TXLNB: variants seen among roughly 807,000 people sequenced by gnomAD.
The protein encoded by TXLNB is taxilin beta, also known as beta-taxilin.
A neutral mutation model predicts 57.4 loss-of-function variants in TXLNB; 37 were observed. The ratio of observed to expected loss-of-function variants is 0.64; its 90% CI spans 0.50 to 0.85. The LOEUF is 0.85. Ranked by LOEUF, TXLNB falls within the 40% of genes least tolerant of loss-of-function variation. TXLNB has a pLI of 0.00. For missense variants in TXLNB, 848 were observed against 825.6 expected (o/e 1.03, Z -0.33); for synonymous variants, 302 against 309.6 (o/e 0.98, Z 0.26).
intron 7 of TXLNB, 157 bp downstream of exon 7, chr6:139,255,407 G>C (rs41289819): frequency 2.9e-6 from 2 of 698,394 alleles, no homozygotes; most frequent in African/African-American, 3.6e-5. Context: ...ATTTTTACTT[G>C]AAAATATGAA....
intron 1 of TXLNB, among the ~76,000 whole-genome samples, chr6:139,289,703 C>A (rs548202885): frequency 6.6e-6 from 1 of 152,280 alleles, no homozygotes; most frequent in African/African-American, 2.4e-5. Flanking sequence ...TTACACTAGT[C>A]AGTTTGTGTT....
the TXLNB span, chr6:139,179,028 G>A: frequency 2.6e-5 from 4 of 152,158 alleles, no homozygotes; most frequent in African/African-American, 9.7e-5. Flanking sequence ...AAACATTTCA[G>A]TGGGAAGAAA....
At position 139,260,297 on chromosome 6, in the gene TXLNB, A is replaced by G. The variant is rs374818316; in HGVS notation, c.1002+21T>C. ...ACACTGAGGTAGACCAGATATGCAC[A>G]ACGACTAAAATGATAAATACATATT... is the stretch of plus-strand genomic sequence containing the variant. On this transcript the variant is annotated intron_variant, in intron 6 of 9. Transcript: ENST00000358430. 3 of 1,613,380 alleles carry G rather than the reference A, an allele frequency of 1.9e-6. No homozygotes were observed. The African/African-American group carries it at 4.0e-5, about 22-fold the overall frequency.
At chr6:139,194,567 C>T in the TXLNB span, among the ~76,000 whole-genome samples, 1 of 152,086 alleles carries the variant, frequency 6.6e-6, no homozygotes, top group Admixed American at 6.5e-5. Context: ...ATTCAGTCAC[C>T]AAAATATGTT....
At chr6:139,216,437 G>A in the TXLNB span, among the ~76,000 whole-genome samples, 3 of 134,234 alleles carry the variant, frequency 2.2e-5, no homozygotes, top group Admixed American at 8.7e-5. Context: ...AGAACACATG[G>A]ACACAGGAAG....
At chr6:139,259,108 C>T (rs924040619) in intron 6 of TXLNB, among the ~76,000 whole-genome samples, 1 of 152,196 alleles carries the variant, frequency 6.6e-6, no homozygotes, top group Admixed American at 6.5e-5. Context: ...CTCCACCCCT[C>T]TTCTCTGCTG....
At position 139,262,608 on chromosome 6, in the gene TXLNB, T is replaced by C; in HGVS notation, c.853A>G (p.Ile285Val). The change falls in exon 5 of 10, where the codon ATC becomes GTC. Residue 285 changes from isoleucine to valine, a missense_variant. Transcript: ENST00000358430. ...TCTCTGAGCTCATACTGATCGATGA[T>C]GCTTTTCAGCTTTTCTGCAAGCTCT... ...NTELAEKLKS[I>V]IDQYELREEH... The C allele has an allele frequency of 1.2e-6, 2 of 1,614,158 alleles. No homozygotes were observed. The highest frequency in any genetic ancestry group is 1.7e-6 in the Non-Finnish European group (2 of 1,179,996).
intron 7 of TXLNB, among the ~76,000 whole-genome samples, chr6:139,253,734 T>A (rs78242158): frequency 1.2e-3 from 178 of 152,340 alleles, no homozygotes; most frequent in African/African-American, 4.0e-3. Flanking sequence ...GCCTCGATTC[T>A]GATGCCAGCT....
chr6:139,313,547 T>C, the TXLNB span, among the ~76,000 whole-genome samples: 2 of 152,174 alleles, frequency 1.3e-5, no homozygotes, highest in African/African-American at 2.4e-5. Flanking sequence ...GACCAGGAGT[T>C]TGGGGCAAAG....
At chr6:139,277,851 C>G (rs1330610507) in intron 2 of TXLNB, among the ~76,000 whole-genome samples, 1 of 152,200 alleles carries the variant, frequency 6.6e-6, no homozygotes, top group African/African-American at 2.4e-5. Context: ...GCCCACACTT[C>G]CTGACATAAA....
chr6:139,211,658 G>C, the TXLNB span, among the ~76,000 whole-genome samples: 2 of 152,176 alleles, frequency 1.3e-5, no homozygotes, highest in African/African-American at 4.8e-5. Context: ...GAGAGAGGAA[G>C]GCTTCAGAAG....
chr6:139,181,461 G>T, the TXLNB span, among the ~76,000 whole-genome samples: 1 of 152,160 alleles, frequency 6.6e-6, no homozygotes, highest in Non-Finnish European at 1.5e-5. Flanking sequence ...TGCTGTAGAC[G>T]TCCCACGCCT....
the TXLNB span, among the ~76,000 whole-genome samples, chr6:139,301,490 C>T: frequency 3.9e-5 from 6 of 152,152 alleles, no homozygotes; most frequent in African/African-American, 1.4e-4. Flanking sequence ...TCCCCATAAA[C>T]CTCCATATAT....
chr6:139,208,002 G>C, the TXLNB span, among the ~76,000 whole-genome samples: 2 of 152,078 alleles, frequency 1.3e-5, no homozygotes, highest in African/African-American at 4.8e-5. Flanking sequence ...CTTGGGCCTG[G>C]GAGGTGGAGG....
At chr6:139,268,151 C>CAAAA (rs59647726) in intron 4 of TXLNB, among the ~76,000 whole-genome samples, 156 of 63,738 alleles carry the variant, frequency 2.4e-3, no homozygotes, top group African/African-American at 4.5e-3. Flanking sequence ...CTCCATCTCA[C>CAAAA]AAAAAAAAAA....
the TXLNB span, among the ~76,000 whole-genome samples, chr6:139,210,715 G>A: frequency 6.6e-6 from 1 of 152,242 alleles, no homozygotes; most frequent in Non-Finnish European, 1.5e-5. Context: ...AAGGGGTCAG[G>A]GAATTCCCTT....
chr6:139,205,904 G>C, the TXLNB span, among the ~76,000 whole-genome samples: 26 of 152,172 alleles, frequency 1.7e-4, no homozygotes, highest in Admixed American at 2.6e-4. Context: ...ATGAAGGAAA[G>C]AATCTAAAGA....
At chr6:139,194,757 A>T in the TXLNB span, among the ~76,000 whole-genome samples, 71 of 152,350 alleles carry the variant, frequency 4.7e-4, no homozygotes, top group African/African-American at 1.7e-3. Context: ...TCAGAGTAAA[A>T]GTCAAAATCC....
chr6:139,309,749 C>A, the TXLNB span, among the ~76,000 whole-genome samples: 4 of 152,102 alleles, frequency 2.6e-5, no homozygotes, highest in African/African-American at 9.7e-5. Context: ...CATAGTGAGA[C>A]TCTGTCTCTA....
Sources: allele counts gnomAD v4.1 joint callset (sites outside exome capture counted in the v4.1 genomes callset), GRCh38; gene constraint gnomAD v4.1.1; transcripts MANE v1.5; gene names NCBI Gene and HGNC (gene_info 2026-07-23, HGNC 2026-07-21).